Variants in L3MBTL4 observed in about 807,000 individuals in gnomAD.
L3MBTL4 encodes lethal(3)malignant brain tumor-like protein 4.
In L3MBTL4, 70 loss-of-function variants were observed where a neutral mutation model predicts 84.5. That is an observed-to-expected ratio of 0.83 (90% CI 0.68 to 1.01). The LOEUF is 1.01. L3MBTL4 is among the 50% of genes least tolerant of loss of function. The pLI, the probability that L3MBTL4 is intolerant of heterozygous loss-of-function variation, is 0.00. For synonymous variants in L3MBTL4, 274 were observed against 259.8 expected (o/e 1.05, Z -0.52); for missense variants, 715 against 754.8 (o/e 0.95, Z 0.62).
At chr18:6,158,818 G>T (rs757010254) in intron 13 of L3MBTL4, among the ~76,000 whole-genome samples, 1 of 152,128 alleles carries the variant, frequency 6.6e-6, no homozygotes, top group African/African-American at 2.4e-5. Context: ...AAGTTCTTAC[G>T]TGCCTCAGTA....
At chr18:6,029,142 G>A (rs1435440618) in intron 16 of L3MBTL4, among the ~76,000 whole-genome samples, 6 of 152,232 alleles carry the variant, frequency 3.9e-5, no homozygotes, top group South Asian at 2.1e-4. Context: ...TTGAATTACT[G>A]TAATTTCTAT....
chr18:6,317,201 T>C (rs749492676), intron 1 of L3MBTL4, among the ~76,000 whole-genome samples: 1 of 151,982 alleles, frequency 6.6e-6, no homozygotes. Flanking sequence ...TACTCAGTAC[T>C]AAAAGCACTA....
chr18:6,231,573 T>C (rs926682372), intron 10 of L3MBTL4, among the ~76,000 whole-genome samples: 5 of 152,156 alleles, frequency 3.3e-5, no homozygotes, highest in Non-Finnish European at 7.4e-5. Flanking sequence ...TGTGTCACCC[T>C]GAAGTTCTTT....
intron 15 of L3MBTL4, 34 bp from the exon 16 acceptor site, chr18:6,080,985 T>G: frequency 6.6e-7 from 1 of 1,511,082 alleles, no homozygotes; most frequent in Non-Finnish European, 9.1e-7. Flanking sequence ...TCTAGATTCA[T>G]TATCCTGTGA....
chr18:6,348,028 A>G (rs2053001267), intron 1 of L3MBTL4, among the ~76,000 whole-genome samples: 1 of 152,084 alleles, frequency 6.6e-6, no homozygotes, highest in Non-Finnish European at 1.5e-5. Context: ...ATAAAATTTG[A>G]AAATGCCATT....
intron 12 of L3MBTL4, among the ~76,000 whole-genome samples, chr18:6,176,110 T>C (rs1228795853): frequency 6.6e-6 from 1 of 152,146 alleles, no homozygotes; most frequent in Non-Finnish European, 1.5e-5. Flanking sequence ...AATATTATTA[T>C]TGATATGTCA....
chr18:6,404,163 T>C (rs2055625476), intron 1 of L3MBTL4, among the ~76,000 whole-genome samples: 1 of 152,138 alleles, frequency 6.6e-6, no homozygotes, highest in Non-Finnish European at 1.5e-5. Flanking sequence ...GCTCAGGTGA[T>C]GGGTGCACCA....
At chr18:5,975,619 T>G (rs2052883165) in intron 16 of L3MBTL4, among the ~76,000 whole-genome samples, 1 of 152,264 alleles carries the variant, frequency 6.6e-6, no homozygotes, top group African/African-American at 2.4e-5. Flanking sequence ...ATTTCTCAGC[T>G]GCACTTTCTT....
intron 1 of L3MBTL4, among the ~76,000 whole-genome samples, chr18:6,381,364 T>C (rs2054589086): frequency 6.6e-6 from 1 of 152,252 alleles, no homozygotes; most frequent in Non-Finnish European, 1.5e-5. Flanking sequence ...GTGAATTTGA[T>C]TCTTTCACTA....
At chr18:6,223,261 C>A (rs924208177) in intron 10 of L3MBTL4, among the ~76,000 whole-genome samples, 1 of 151,958 alleles carries the variant, frequency 6.6e-6, no homozygotes. Context: ...TTTAAAAATG[C>A]GGAAATAAAC....
chr18:6,221,012 G>A (rs2046527831), intron 10 of L3MBTL4, among the ~76,000 whole-genome samples: 1 of 152,108 alleles, frequency 6.6e-6, no homozygotes, highest in African/African-American at 2.4e-5. Flanking sequence ...CAATGCAAAT[G>A]TAATACTCCT....
chr18:6,314,036 TGATAGATAGATAGATAGATA>T (rs5822890), intron 1 of L3MBTL4, among the ~76,000 whole-genome samples: 22,691 of 149,748 alleles, frequency 0.15, 1,826 homozygotes, highest in African/African-American at 0.21. Flanking sequence ...GGATGGCAGA[TGATAGATAGATAGATAGATA>T]GATAGATAGA....
intron 5 of L3MBTL4, chr18:6,260,324 C>T (rs1287186904): frequency 6.6e-6 from 1 of 152,074 alleles, no homozygotes. Context: ...TGAAAAATGA[C>T]ATTGGTAGTT....
intron 3 of L3MBTL4, among the ~76,000 whole-genome samples, chr18:6,310,597 C>A (rs1172045400): frequency 1.3e-5 from 2 of 152,120 alleles, no homozygotes; most frequent in Non-Finnish European, 2.9e-5. Flanking sequence ...AAATGTATAA[C>A]CACAAACCAC....
chr18:6,059,625 A>AG (rs1184750632), intron 16 of L3MBTL4, among the ~76,000 whole-genome samples: 1 of 152,040 alleles, frequency 6.6e-6, no homozygotes, highest in East Asian at 1.9e-4. Flanking sequence ...GCTAAAAAAA[A>AG]AGCCTGATAT....
intron 16 of L3MBTL4, among the ~76,000 whole-genome samples, chr18:6,039,554 T>G (rs961074253): frequency 2.0e-5 from 3 of 152,152 alleles, no homozygotes. Flanking sequence ...TTTCTCTTAT[T>G]TGGAGTTGTG....
intron 13 of L3MBTL4, 138 bp downstream of exon 13, chr18:6,171,690 T>C: frequency 4.3e-6 from 2 of 469,728 alleles, no homozygotes; most frequent in Admixed American, 4.0e-5. Context: ...AATAATCGGC[T>C]TTCAGTGTAG....
At chr18:6,222,490 A>G (rs1256785240) in intron 10 of L3MBTL4, among the ~76,000 whole-genome samples, 1 of 152,230 alleles carries the variant, frequency 6.6e-6, no homozygotes. Context: ...TGTCTTCAAT[A>G]CCATGGCTCA....
At chr18:6,150,816 C>A (rs2042860290) in intron 13 of L3MBTL4, among the ~76,000 whole-genome samples, 1 of 152,186 alleles carries the variant, frequency 6.6e-6, no homozygotes, top group Admixed American at 6.5e-5. Context: ...TACCTTCTGC[C>A]TGGTCAAATC....
Sources: gnomAD v4.1 joint callset for allele counts (sites outside exome capture counted in the v4.1 genomes callset) on GRCh38, gnomAD v4.1.1 for gene constraint, MANE v1.5 for transcripts, NCBI Gene and HGNC (gene_info 2026-07-23, HGNC 2026-07-21) for gene names.